Variants in PTPRD observed in about 807,000 individuals in gnomAD.
PTPRD encodes the protein receptor-type tyrosine-protein phosphatase delta.
A neutral mutation model predicts 214.5 loss-of-function variants in PTPRD; 34 were observed. The ratio of observed to expected loss-of-function variants is 0.16; its 90% CI spans 0.12 to 0.21. PTPRD has a LOEUF of 0.21. PTPRD is among the 10% of genes least tolerant of loss of function. PTPRD has a pLI of 1.00. For synonymous variants in PTPRD, 1,128 were observed against 845.7 expected (o/e 1.33, Z -5.79); for missense variants, 2,545 against 2,398.7 (o/e 1.06, Z -1.27).
chr9:10,506,077 G>C (rs1331696591), intron 2 of PTPRD, among the ~76,000 whole-genome samples: 1 of 152,022 alleles, frequency 6.6e-6, no homozygotes, highest in Non-Finnish European at 1.5e-5. Flanking sequence ...TGGTATGAAG[G>C]TTATTGATTG....
chr9:10,261,389 A>C (rs1055529187), intron 3 of PTPRD, among the ~76,000 whole-genome samples: 12 of 152,072 alleles, frequency 7.9e-5, no homozygotes, highest in Non-Finnish European at 4.4e-5. Context: ...TTTGAAATTG[A>C]GCTACCCTGG....
At chr9:9,442,633 G>A (rs1332775210) in intron 8 of PTPRD, among the ~76,000 whole-genome samples, 2 of 152,128 alleles carry the variant, frequency 1.3e-5, no homozygotes, top group Non-Finnish European at 2.9e-5. Flanking sequence ...TTATTTATCT[G>A]TGCATGTGAG....
chr9:9,393,707 T>C (rs1010858900), intron 9 of PTPRD, among the ~76,000 whole-genome samples: 1 of 152,120 alleles, frequency 6.6e-6, no homozygotes, highest in African/African-American at 2.4e-5. Flanking sequence ...ACTTGGTGAG[T>C]AGTTTAAGCT....
chr9:10,436,803 C>T (rs2098721103), intron 2 of PTPRD, among the ~76,000 whole-genome samples: 1 of 151,728 alleles, frequency 6.6e-6, no homozygotes, highest in Admixed American at 6.6e-5. Context: ...GTCAAACATT[C>T]CTCATGATTG....
chr9:8,717,828 T>G (rs188168221), intron 12 of PTPRD, among the ~76,000 whole-genome samples: 1 of 152,286 alleles, frequency 6.6e-6, no homozygotes, highest in East Asian at 1.9e-4. Context: ...CTCCACAATT[T>G]CTCTGTCTCC....
chr9:9,989,916 G>A (rs1386198122), intron 4 of PTPRD, among the ~76,000 whole-genome samples: 1 of 152,174 alleles, frequency 6.6e-6, no homozygotes, highest in Admixed American at 6.5e-5. Flanking sequence ...CACGCAAAGG[G>A]TTTGAGCACT....
At chr9:9,700,053 G>A (rs938725664) in intron 7 of PTPRD, among the ~76,000 whole-genome samples, 6 of 152,106 alleles carry the variant, frequency 3.9e-5, no homozygotes, top group Non-Finnish European at 7.4e-5. Flanking sequence ...TTCAGAATGT[G>A]AAATTCCTTA....
At chr9:8,813,089 T>C (rs1452953269) in intron 11 of PTPRD, among the ~76,000 whole-genome samples, 8 of 152,188 alleles carry the variant, frequency 5.3e-5, no homozygotes, top group African/African-American at 1.2e-4. Flanking sequence ...GGCAGGGCGC[T>C]ATCGGTGGAA....
At chr9:10,225,383 G>T (rs919325168) in intron 3 of PTPRD, among the ~76,000 whole-genome samples, 1 of 151,982 alleles carries the variant, frequency 6.6e-6, no homozygotes, top group African/African-American at 2.4e-5. Flanking sequence ...TCTTAAGCAA[G>T]ATAAAAGAGC....
At chr9:10,163,710 A>G (rs935368959) in intron 3 of PTPRD, among the ~76,000 whole-genome samples, 1 of 151,450 alleles carries the variant, frequency 6.6e-6, no homozygotes, top group Non-Finnish European at 1.5e-5. Context: ...AAAGCACAAT[A>G]TATTCTCAAA....
intron 9 of PTPRD, among the ~76,000 whole-genome samples, chr9:9,238,926 A>G (rs1278093288): frequency 6.6e-6 from 1 of 152,102 alleles, no homozygotes; most frequent in East Asian, 1.9e-4. Flanking sequence ...GTACTTCCCT[A>G]TACCATTCCA....
chr9:8,935,212 C>G (rs977877666), intron 11 of PTPRD, among the ~76,000 whole-genome samples: 8 of 152,124 alleles, frequency 5.3e-5, no homozygotes, highest in African/African-American at 1.9e-4. Context: ...ACCCTAAAGA[C>G]TTCACCAAAA....
intron 10 of PTPRD, among the ~76,000 whole-genome samples, chr9:9,155,847 A>G (rs529984694): frequency 2.3e-4 from 35 of 152,274 alleles, no homozygotes; most frequent in African/African-American, 6.5e-4. Flanking sequence ...TGGGTTCAGA[A>G]CACTCTAAAA....
At chr9:9,571,325 CTA>C (rs1308208303) in intron 8 of PTPRD, among the ~76,000 whole-genome samples, 1 of 151,290 alleles carries the variant, frequency 6.6e-6, no homozygotes, top group East Asian at 1.9e-4. Flanking sequence ...TCTTCTCTCT[CTA>C]TATATATCTC....
At chr9:9,976,878 A>G (rs76901160) in intron 4 of PTPRD, among the ~76,000 whole-genome samples, 1,955 of 151,988 alleles carry the variant, frequency 0.013, 50 homozygotes, top group African/African-American at 0.045. Flanking sequence ...AAAATGAAAT[A>G]ACTCTTTACT....
At chr9:9,022,603 G>A (rs1334763440) in intron 10 of PTPRD, among the ~76,000 whole-genome samples, 1 of 152,064 alleles carries the variant, frequency 6.6e-6, no homozygotes, top group African/African-American at 2.4e-5. Context: ...TATGTTCTGT[G>A]ATGTTTGCAC....
chr9:8,699,097 AT>A (rs2098008238), intron 12 of PTPRD, among the ~76,000 whole-genome samples: 1 of 152,194 alleles, frequency 6.6e-6, no homozygotes, highest in Non-Finnish European at 1.5e-5. Context: ...TTTTTTCAGA[AT>A]TCCTGAATAA....
intron 10 of PTPRD, among the ~76,000 whole-genome samples, chr9:9,041,424 T>C (rs2099639514): frequency 6.6e-6 from 1 of 152,138 alleles, no homozygotes; most frequent in South Asian, 2.1e-4. Context: ...GTCCATGTGT[T>C]CTCACCATTT....
chr9:9,460,617 C>G (rs960105718), intron 8 of PTPRD, among the ~76,000 whole-genome samples: 1 of 151,938 alleles, frequency 6.6e-6, no homozygotes, highest in South Asian at 2.1e-4. Flanking sequence ...ATTAAAACCA[C>G]AATAAGATAC....
Sources: gnomAD v4.1 joint callset for allele counts (sites outside exome capture counted in the v4.1 genomes callset) on GRCh38, gnomAD v4.1.1 for gene constraint, MANE v1.5 for transcripts, NCBI Gene and HGNC (gene_info 2026-07-23, HGNC 2026-07-21) for gene names.